Variants in ADCY7 observed in about 807,000 individuals in gnomAD.
ADCY7 encodes the protein adenylate cyclase type 7.
Under a neutral mutation model 120.6 loss-of-function variants are expected in ADCY7, and 72 were observed. The observed-to-expected ratio is 0.60, with a 90% CI of 0.49 to 0.73. ADCY7 has a LOEUF of 0.73. Among genes scored for constraint, ADCY7 ranks in the 30% least tolerant of loss-of-function variants. The pLI is 0.00. For missense variants in ADCY7, 1,227 were observed against 1,486.0 expected, an observed-to-expected ratio of 0.83 and a Z score of 2.87; for synonymous variants, 661 against 628.0, an observed-to-expected ratio of 1.05 and a Z score of -0.78.
intron 4 of ADCY7, 45 bp downstream of exon 4, chr16:50,291,942 G>A (rs776224625): frequency 7.7e-6 from 12 of 1,551,474 alleles, no homozygotes; most frequent in South Asian, 7.4e-5. Context: ...TGTGGTCTGG[G>A]TCTAAGGGCA....
chr16:50,253,598 C>T (rs2032823196), intron 1 of ADCY7, among the ~76,000 whole-genome samples: 2 of 152,218 alleles, frequency 1.3e-5, no homozygotes, highest in South Asian at 4.1e-4. Context: ...TCAGGCTGGA[C>T]CCAGGTTTGT....
At chr16:50,264,287 G>C (rs8056605), upstream of ADCY7, among the ~76,000 whole-genome samples, 1 of 152,200 alleles carries the variant, frequency 6.6e-6, no homozygotes, top group Non-Finnish European at 1.5e-5. Flanking sequence ...CATTCATGTT[G>C]TGTGTTAGCA....
At chr16:50,248,662 G>A in intron 1 of ADCY7, among the ~76,000 whole-genome samples, 1 of 152,202 alleles carries the variant, frequency 6.6e-6, no homozygotes, top group African/African-American at 2.4e-5. Context: ...TCGGCAATGA[G>A]GAAGAAAAGC....
At position 50,312,978 on chromosome 16, in the gene ADCY7, A is replaced by G. The variant is rs2036569752; in HGVS notation, c.2693A>G (p.Asn898Ser). 2 of 1,614,126 alleles carry G rather than the reference A, an allele frequency of 1.2e-6. No homozygotes were observed. The highest frequency in any genetic ancestry group is 1.3e-5 in the African/African-American group (1 of 74,946). Residue 898 changes from asparagine (N) to serine (S), a missense_variant, in exon 22 of 26, where the codon AAC becomes AGC. By Grantham distance (46) the Asn-to-Ser change is conservative (BLOSUM62 1). Transcript: ENST00000673801. ...GTGTTCTACACAGAGTGCGATGTCAACAAAGAAGGGCTGGAGTGCCTACGC... is the reference window on the plus strand; with the variant it reads ...GTGTTCTACACAGAGTGCGATGTCAGCAAAGAAGGGCTGGAGTGCCTACGC... ...FKVFYTECDV[N>S]KEGLECLRLL...
At chr16:50,309,497 AG>A in intron 17 of ADCY7, 50 bp from the exon 18 acceptor site, 1 of 1,505,484 alleles carries the variant, frequency 6.6e-7, no homozygotes, top group South Asian at 1.1e-5. Flanking sequence ...TGGCTTGGGC[AG>A]GTTCCAGCGT....
intron 1 of ADCY7, among the ~76,000 whole-genome samples, chr16:50,250,822 A>G (rs570079422): frequency 1.3e-5 from 2 of 152,340 alleles, no homozygotes; most frequent in South Asian, 2.1e-4. Context: ...GGGTAAATGT[A>G]TAGATATAGA....
At chr16:50,284,487 C>G (rs758306187) in intron 1 of ADCY7, among the ~76,000 whole-genome samples, 2 of 152,266 alleles carry the variant, frequency 1.3e-5, no homozygotes, top group African/African-American at 4.8e-5. Context: ...CACTCTCACA[C>G]TTGCACTTTC....
rs775535879 is a variant in ADCY7 at position 50,313,037 on chromosome 16, G to T, written c.2751+1G>T. On this transcript the variant is annotated splice_donor_variant, in intron 22 of 25. Transcript: ENST00000673801. LOFTEE classifies it high-confidence loss of function. ...TGAGATCATTGCCGACTTCGACGAG[G>T]TACAGCCTCTAGCCCAGCCTTGCGC... 1 of 1,613,998 alleles carries T rather than the reference G, an allele frequency of 6.2e-7. No homozygotes were observed. The highest frequency in any genetic ancestry group is 8.5e-7 in the Non-Finnish European group (1 of 1,179,968).
chr16:50,287,217 G>C (rs374539634), intron 1 of ADCY7, among the ~76,000 whole-genome samples: 1 of 151,512 alleles, frequency 6.6e-6, no homozygotes, highest in African/African-American at 2.4e-5. Flanking sequence ...GTTTTACCAC[G>C]TGGGCCAGGC....
chr16:50,288,235 A>G lies in ADCY7; in HGVS notation c.56A>G (p.Asp19Gly). ...GAGGGCGAGGAGGGCCCTGACCAAG[A>G]TGCGCTCTACGAGAAGTACCAGCTC... ...LNEGEEGPDQDALYEKYQLTS... is the reference protein window; with the variant it reads ...LNEGEEGPDQGALYEKYQLTS... Residue 19 changes from aspartate (D) to glycine (G), a missense_variant, in exon 2 of 26, where the codon GAT becomes GGT. Physicochemically the swap from Asp to Gly is moderately conservative, Grantham distance 94 (BLOSUM62 -1). Coordinates refer to ENST00000673801, the MANE Select transcript of ADCY7 (RefSeq NM_001114.5). 1 of 1,551,508 alleles carries G rather than the reference A, an allele frequency of 6.4e-7. No individual in the cohort carries two copies. The highest frequency in any genetic ancestry group is 1.7e-4 in the Middle Eastern group (1 of 5,990).
At chr16:50,251,867 T>C (rs1447511001) in intron 1 of ADCY7, among the ~76,000 whole-genome samples, 2 of 152,066 alleles carry the variant, frequency 1.3e-5, no homozygotes, top group African/African-American at 4.8e-5. Context: ...CCCGGCCTGC[T>C]CCCCCACGCA....
Position 50,313,371 on chromosome 16 carries a change from C to A in ADCY7, c.2751+335C>A, listed in dbSNP as rs1458461547. On this transcript the variant is annotated intron_variant, in intron 22 of 25. Transcript: ENST00000673801. The stretch of plus-strand genomic sequence containing the variant: ...GGAGGCGGTTGCAGTGAGCTGGGAT[C>A]ACGCCACTGCACTACAGCCTGGGCA... 6.6e-5 allele frequency: 18 copies of A among 271,096 alleles called. No homozygotes were observed. The South Asian group carries it at 7.2e-4, about 11-fold the overall frequency. 16.8% of individuals were successfully genotyped at this position (271,096 alleles called of 1,614,324 possible).
chr16:50,293,462 A>G lies in ADCY7; in HGVS notation c.796A>G (p.Asn266Asp). Residue 266 changes from asparagine (N) to aspartate (D), a missense_variant, in exon 6 of 26, where the codon AAC becomes GAC. Physicochemically the swap from Asn to Asp is conservative, Grantham distance 23 (BLOSUM62 1). Transcript: ENST00000673801. ...HGDRRCMPDNNFHSLYVKRHQ... is the reference protein window; with the variant it reads ...HGDRRCMPDNDFHSLYVKRHQ... ...TGACCGTCGCTGCATGCCTGACAAC[A>G]ACTTCCACAGCCTCTACGTCAAGAG... is the stretch of plus-strand genomic sequence containing the variant. The G allele has an allele frequency of 6.2e-7, 1 of 1,613,978 alleles. No individual in the cohort carries two copies. Among genetic ancestry groups the G allele is most frequent in the Non-Finnish European group, 8.5e-7 (1 of 1,180,008 alleles).
chr16:50,278,504 C>T lies in ADCY7; in HGVS notation c.-268-9408C>T, dbSNP rs141289931. Among the ~76,000 whole-genome samples, 20 of 152,300 alleles carry T rather than the reference C, an allele frequency of 1.3e-4. No homozygotes were observed. In the East Asian group the frequency reaches 3.9e-3, roughly 29 times the overall value. ...TGTGATATGAATCACAAATGTTCCC[C>T]TAATCTGTCACGTGTCTTTTGATTG... On this transcript the variant is annotated intron_variant, in intron 1 of 25. Coordinates refer to ENST00000673801, the MANE Select transcript of ADCY7 (RefSeq NM_001114.5).
intron 1 of ADCY7, among the ~76,000 whole-genome samples, chr16:50,271,646 C>T (rs2033581785): frequency 6.6e-6 from 1 of 152,168 alleles, no homozygotes; most frequent in African/African-American, 2.4e-5. Context: ...CACCGTTATC[C>T]ACTCTGGGCC....
intron 1 of ADCY7, among the ~76,000 whole-genome samples, chr16:50,260,842 C>A (rs1454694729): frequency 6.6e-6 from 1 of 152,164 alleles, no homozygotes; most frequent in African/African-American, 2.4e-5. Flanking sequence ...AGGGAGAGAT[C>A]CAAAGGAAAG....
At chr16:50,250,735 G>T (rs1011760178) in intron 1 of ADCY7, among the ~76,000 whole-genome samples, 1 of 152,140 alleles carries the variant, frequency 6.6e-6, no homozygotes, top group Admixed American at 6.5e-5. Flanking sequence ...TTAAAGTATT[G>T]TATCAACATT....
intron 24 of ADCY7, 67 bp from the exon 25 acceptor site, chr16:50,314,947 C>T (rs1005870474): frequency 2.0e-5 from 31 of 1,588,454 alleles, no homozygotes; most frequent in East Asian, 1.1e-4. Context: ...GATTCTCTGG[C>T]CTCCTCTAAG....
chr16:50,314,020 G>A lies in ADCY7; in HGVS notation c.2814G>A (p.Met938Ile), dbSNP rs1567585394. The A allele has an allele frequency of 1.2e-6, 2 of 1,614,170 alleles. No homozygotes were observed. The highest frequency in any genetic ancestry group is 1.7e-6 in the Non-Finnish European group (2 of 1,180,006). The change falls in exon 23 of 26, where the codon ATG becomes ATA. Residue 938 changes from methionine (M) to isoleucine (I), a missense_variant. Physicochemically the swap from Met to Ile is conservative, Grantham distance 10. This residue lies in a region of ADCY7 where 244 missense variants were observed against 332.8 expected (regional missense o/e 0.73). Transcript: ENST00000673801. ...EKIKTIGSTY[M>I]AAAGLSVASG... ...TCAAGACCATCGGCAGCACGTACAT[G>A]GCAGCTGCAGGGCTCAGCGTCGCCT...
Sources: gnomAD v4.1 joint callset for allele counts (sites outside exome capture counted in the v4.1 genomes callset) on GRCh38, gnomAD v4.1.1 for gene constraint, gnomAD v4.1.1 regional missense constraint, MANE v1.5 for transcripts, NCBI Gene and HGNC (gene_info 2026-07-23, HGNC 2026-07-21) for gene names.